Variants in MEIS2 observed in about 807,000 individuals in gnomAD.
MEIS2 encodes the protein homeobox protein Meis2.
Under a neutral mutation model 58.6 loss-of-function variants are expected in MEIS2, and 9 were observed. The ratio of observed to expected loss-of-function variants is 0.15; its 90% CI spans 0.09 to 0.27. The LOEUF (loss-of-function observed/expected upper bound fraction) is 0.27, where lower values mean the gene tolerates loss of function less well. MEIS2 is among the 10% of genes least tolerant of loss of function. The pLI, the probability that MEIS2 is intolerant of heterozygous loss-of-function variation, is 1.00. For synonymous variants in MEIS2, 221 were observed against 228.4 expected, an observed-to-expected ratio of 0.97 and a Z score of 0.29; for missense variants, 427 against 635.0, an observed-to-expected ratio of 0.67 and a Z score of 3.52.
chr15:36,974,418 T>C (rs2059671261), intron 8 of MEIS2, among the ~76,000 whole-genome samples: 3 of 152,204 alleles, frequency 2.0e-5, no homozygotes. Flanking sequence ...ATTCCAAAAA[T>C]TAAATAATTT....
chr15:37,024,251 C>T (rs912598709), intron 8 of MEIS2, among the ~76,000 whole-genome samples: 2 of 152,106 alleles, frequency 1.3e-5, no homozygotes, highest in African/African-American at 2.4e-5. Flanking sequence ...CTCCTTTCCT[C>T]TTCACATGAT....
chr15:36,942,105 A>G (rs1013082595), intron 9 of MEIS2, among the ~76,000 whole-genome samples: 4 of 152,190 alleles, frequency 2.6e-5, no homozygotes, highest in Non-Finnish European at 5.9e-5. Context: ...AGAACCTTGC[A>G]TGTGTTTCAG....
At chr15:37,067,886 G>C (rs1053185567) in intron 7 of MEIS2, among the ~76,000 whole-genome samples, 1 of 152,148 alleles carries the variant, frequency 6.6e-6, no homozygotes, top group African/African-American at 2.4e-5. Flanking sequence ...TAAGTGATGT[G>C]GGCTTAAAGT....
At chr15:37,032,534 T>G (rs1314568856) in intron 8 of MEIS2, among the ~76,000 whole-genome samples, 2 of 152,180 alleles carry the variant, frequency 1.3e-5, no homozygotes, top group Non-Finnish European at 2.9e-5. Context: ...TTTCCCTAAG[T>G]TTTTGTCTGT....
rs2057044243 is a variant in MEIS2, at chr15:36,911,886, A to C, written c.978-15200T>G. On this transcript the variant is annotated intron_variant, in intron 9 of 11. Transcript: ENST00000561208. ...ATTTGCTGTGAAGAATTGGCAAAGC[A>C]ATTCTTAAAATGATGGGGGTGAAAG... 2.0e-5 allele frequency among the ~76,000 whole-genome samples: 3 copies of C among 152,194 alleles called. No individual in the cohort carries two copies. In the South Asian group the frequency reaches 6.2e-4, roughly 31 times the overall value.
At chr15:37,074,182 C>T (rs74345754) in intron 7 of MEIS2, among the ~76,000 whole-genome samples, 2,378 of 151,916 alleles carry the variant, frequency 0.016, 59 homozygotes, top group African/African-American at 0.054. Flanking sequence ...TTTCAAAACA[C>T]GCCTCATATT....
chr15:37,036,916 G>A lies in MEIS2; in HGVS notation c.798C>T (p.Asp266=), dbSNP rs1261255075. The change falls in exon 8 of 12, where the codon GAC becomes GAT. Residue 266 remains aspartate, a synonymous_variant. Coordinates refer to ENST00000561208, the MANE Select transcript of MEIS2 (RefSeq NM_170675.5). The stretch of plus-strand genomic sequence containing the variant: ...TTTTGTCCTTATCCGGATCATCATC[G>A]TCACCTGTACCAGGTGAAGCTACAC... ...DNSVASPGTG[D]DDDPDKDKKR... 8 of 1,613,310 alleles carry A rather than the reference G, an allele frequency of 5.0e-6. No homozygotes were observed. Among genetic ancestry groups the A allele is most frequent in the African/African-American group, 4.0e-5 (3 of 74,736 alleles).
At chr15:37,006,914 A>C (rs532029353) in intron 8 of MEIS2, among the ~76,000 whole-genome samples, 1 of 152,202 alleles carries the variant, frequency 6.6e-6, no homozygotes, top group Non-Finnish European at 1.5e-5. Context: ...GAAATTGTTA[A>C]ATATATATGA....
chr15:37,007,032 T>G (rs1378260882), intron 8 of MEIS2, among the ~76,000 whole-genome samples: 6 of 152,238 alleles, frequency 3.9e-5, no homozygotes, highest in Admixed American at 3.3e-4. Context: ...TCTCTGGGCA[T>G]TATGTACTTG....
At chr15:36,996,867 G>C (rs951997137) in intron 8 of MEIS2, among the ~76,000 whole-genome samples, 1 of 152,180 alleles carries the variant, frequency 6.6e-6, no homozygotes, top group African/African-American at 2.4e-5. Flanking sequence ...AGAAATGGGA[G>C]TAACTCTCCA....
chr15:37,092,228 G>C (rs1045671821), intron 6 of MEIS2, among the ~76,000 whole-genome samples: 1 of 152,192 alleles, frequency 6.6e-6, no homozygotes, highest in Non-Finnish European at 1.5e-5. Context: ...TTCTTTTCTA[G>C]ACTTTTTCTA....
intron 10 of MEIS2, 190 bp from the exon 11 acceptor site, chr15:36,895,451 G>A: frequency 1.7e-6 from 1 of 576,244 alleles, no homozygotes; most frequent in Non-Finnish European, 3.1e-6. Flanking sequence ...AAAATGTTCT[G>A]GAAGAAAGAC....
chr15:37,023,915 T>C (rs1011823831), intron 8 of MEIS2, among the ~76,000 whole-genome samples: 15 of 70,076 alleles, frequency 2.1e-4, no homozygotes, highest in Non-Finnish European at 3.7e-4. Context: ...CTCTCTCTTT[T>C]TTTTTTTTTT....
intron 8 of MEIS2, among the ~76,000 whole-genome samples, chr15:36,970,912 G>A (rs767669599): frequency 6.6e-6 from 1 of 152,104 alleles, no homozygotes; most frequent in African/African-American, 2.4e-5. Context: ...TAATACAACT[G>A]CAGTATGTAT....
chr15:37,014,372 G>A (rs962379301), intron 8 of MEIS2, among the ~76,000 whole-genome samples: 3 of 152,044 alleles, frequency 2.0e-5, no homozygotes, highest in Non-Finnish European at 2.9e-5. Flanking sequence ...GACTGTGTGG[G>A]GAAATGACAT....
At chr15:37,022,953 C>A (rs897818632) in intron 8 of MEIS2, among the ~76,000 whole-genome samples, 2 of 152,170 alleles carry the variant, frequency 1.3e-5, no homozygotes, top group African/African-American at 4.8e-5. Context: ...CTGTGCCCAG[C>A]CTGCTTCAAT....
intron 9 of MEIS2, among the ~76,000 whole-genome samples, chr15:36,917,635 A>T (rs1374275928): frequency 6.6e-6 from 1 of 152,208 alleles, no homozygotes; most frequent in Non-Finnish European, 1.5e-5. Context: ...CCTACAAAGG[A>T]AATCCTAAAC....
At chr15:36,951,446 A>C (rs1159840511) in intron 8 of MEIS2, among the ~76,000 whole-genome samples, 1 of 152,198 alleles carries the variant, frequency 6.6e-6, no homozygotes, top group Non-Finnish European at 1.5e-5. Flanking sequence ...GACATTAGGA[A>C]CAACAAAGTA....
intron 9 of MEIS2, among the ~76,000 whole-genome samples, chr15:36,915,410 T>G (rs1445365182): frequency 1.3e-5 from 2 of 152,204 alleles, no homozygotes; most frequent in Non-Finnish European, 2.9e-5. Flanking sequence ...TTTTCATTAT[T>G]ATGGGGATTT....
Sources: gnomAD v4.1 joint callset for allele counts (sites outside exome capture counted in the v4.1 genomes callset) on GRCh38, gnomAD v4.1.1 for gene constraint, MANE v1.5 for transcripts, NCBI Gene and HGNC (gene_info 2026-07-23, HGNC 2026-07-21) for gene names.